IGSF10: variants seen among roughly 807,000 people sequenced by gnomAD.
The protein encoded by IGSF10 is immunoglobulin superfamily member 10.
In IGSF10, 126 loss-of-function variants were observed where a neutral mutation model predicts 128.2. The ratio of observed to expected loss-of-function variants is 0.98; its 90% CI spans 0.85 to 1.14. The LOEUF (loss-of-function observed/expected upper bound fraction) is 1.14. IGSF10 is among the 50% of genes most tolerant of loss of function. The pLI, the probability that IGSF10 is intolerant of heterozygous loss-of-function variation, is 0.00. For missense variants in IGSF10, 3,295 were observed against 3,149.8 expected (o/e 1.05, Z -1.10); for synonymous variants, 1,185 against 1,146.2 (o/e 1.03, Z -0.68).
At position 151,460,323 on chromosome 3, in the gene IGSF10, A is replaced by C; in HGVS notation, c.-64T>G. 15 of 982,070 alleles carry C rather than the reference A, an allele frequency of 1.5e-5. No individual in the cohort carries two copies. Among genetic ancestry groups the C allele is most frequent in the Non-Finnish European group, 1.8e-5 (15 of 826,840 alleles). The allele number at this position is 982,070 out of a possible 1,614,324, so 60.8% of individuals were successfully genotyped here. ...ATAGGCAGAGACAGAAAATCTTCCC[A>C]GGAAATGGAAAATTGTGTCCAAACC... On this transcript the variant is annotated 5_prime_UTR_variant, in exon 2 of 8. Coordinates refer to ENST00000282466, the MANE Select transcript of IGSF10 (RefSeq NM_178822.5).
At chr3:151,451,289 C>A (rs1721500158) in intron 5 of IGSF10, among the ~76,000 whole-genome samples, 1 of 151,992 alleles carries the variant, frequency 6.6e-6, no homozygotes, top group Non-Finnish European at 1.5e-5. Context: ...CCTTCAGAAC[C>A]CAGTCTGAAC....
the IGSF10 span, among the ~76,000 whole-genome samples, chr3:151,510,166 C>T: frequency 6.6e-6 from 1 of 152,224 alleles, no homozygotes; most frequent in African/African-American, 2.4e-5. Context: ...TGAGAATGGA[C>T]AGACTGCCTC....
At chr3:151,457,554 A>G (rs1721852534) in intron 3 of IGSF10, among the ~76,000 whole-genome samples, 1 of 152,172 alleles carries the variant, frequency 6.6e-6, no homozygotes, top group African/African-American at 2.4e-5. Flanking sequence ...GTGGTTAAGA[A>G]GCCTGGGCTC....
the IGSF10 span, among the ~76,000 whole-genome samples, chr3:151,589,130 T>C: frequency 6.6e-6 from 1 of 152,194 alleles, no homozygotes; most frequent in Non-Finnish European, 1.5e-5. Context: ...TTGCTAAATT[T>C]TCTTCAGTAA....
intron 3 of IGSF10, among the ~76,000 whole-genome samples, 189 bp downstream of exon 3, chr3:151,458,327 C>T (rs1721897921): frequency 6.6e-6 from 1 of 152,126 alleles, no homozygotes; most frequent in Non-Finnish European, 1.5e-5. Context: ...GAACTTTCTC[C>T]TAATAAAAGT....
chr3:151,514,822 C>T, the IGSF10 span, among the ~76,000 whole-genome samples: 1 of 152,172 alleles, frequency 6.6e-6, no homozygotes, highest in African/African-American at 2.4e-5. Flanking sequence ...TGAACAGACA[C>T]TTCTCAAAAG....
At chr3:151,593,688 C>G in the IGSF10 span, among the ~76,000 whole-genome samples, 1 of 151,800 alleles carries the variant, frequency 6.6e-6, no homozygotes, top group African/African-American at 2.4e-5. Context: ...AAAAAAATAG[C>G]AAAAGTAGAT....
At chr3:151,453,249 AT>A (rs1721596491) in intron 5 of IGSF10, 134 bp downstream of exon 5, 2 of 729,026 alleles carry the variant, frequency 2.7e-6, no homozygotes, top group Non-Finnish European at 4.3e-6. Context: ...TGTGTAAATA[AT>A]TCATTATTCT....
At chr3:151,508,155 A>C in the IGSF10 span, among the ~76,000 whole-genome samples, 1 of 152,160 alleles carries the variant, frequency 6.6e-6, no homozygotes, top group Non-Finnish European at 1.5e-5. Flanking sequence ...TTGATGAGGA[A>C]GTTATAAAGG....
chr3:151,440,818 G>A, intron 7 of IGSF10: 1 of 344,646 alleles, frequency 2.9e-6, no homozygotes, highest in South Asian at 2.3e-5. Flanking sequence ...GTGCAGCAAA[G>A]AACCACTGTT....
At chr3:151,492,262 C>T in the IGSF10 span, among the ~76,000 whole-genome samples, 2 of 152,148 alleles carry the variant, frequency 1.3e-5, no homozygotes, top group Non-Finnish European at 2.9e-5. Flanking sequence ...TAAAGAGGTG[C>T]TCAACATCAC....
the IGSF10 span, among the ~76,000 whole-genome samples, chr3:151,494,325 T>C: frequency 2.0e-5 from 3 of 151,962 alleles, no homozygotes; most frequent in Non-Finnish European, 2.9e-5. Flanking sequence ...AACTAGAATT[T>C]TCTATTAAGT....
At position 151,440,769 on chromosome 3, in the gene IGSF10, A is replaced by G. The variant is rs573239357; in HGVS notation, c.5964-2172T>C. On this transcript the variant is annotated intron_variant, in intron 7 of 7. Transcript: ENST00000282466. ...AATATGTGTGCAGCATGGCTTGGGCATCAGGATTCTTAGAATTTTCCGGAT... is the reference window on the plus strand; with the variant it reads ...AATATGTGTGCAGCATGGCTTGGGCGTCAGGATTCTTAGAATTTTCCGGAT... 4.3e-5 allele frequency: 16 copies of G among 375,358 alleles called. No homozygotes were observed. In the East Asian group the frequency reaches 1.2e-3, roughly 27 times the overall value. The allele number at this position is 375,358 out of a possible 1,614,324, so 23.3% of individuals were successfully genotyped here. A position where few individuals can be genotyped will look rare whatever the true frequency, so the allele number is the denominator to read the frequency against.
the IGSF10 span, among the ~76,000 whole-genome samples, chr3:151,527,570 TC>T: frequency 8.5e-5 from 13 of 152,130 alleles, no homozygotes; most frequent in Admixed American, 8.5e-4. Flanking sequence ...GATATTTAAG[TC>T]CCAGTATTAA....
chr3:151,519,539 C>T, the IGSF10 span, among the ~76,000 whole-genome samples: 1 of 151,454 alleles, frequency 6.6e-6, no homozygotes, highest in African/African-American at 2.4e-5. Context: ...TTCAACTTAC[C>T]CTAAATTTAA....
At chr3:151,491,397 T>C in the IGSF10 span, among the ~76,000 whole-genome samples, 1 of 152,036 alleles carries the variant, frequency 6.6e-6, no homozygotes, top group African/African-American at 2.4e-5. Context: ...GCCAACATGA[T>C]GAGACCCCGT....
the IGSF10 span, among the ~76,000 whole-genome samples, chr3:151,511,735 G>C: frequency 6.6e-6 from 1 of 152,078 alleles, no homozygotes; most frequent in African/African-American, 2.4e-5. Context: ...CACGTGCAGA[G>C]ACACACATGC....
chr3:151,520,824 GCCAACATAATAA>G, the IGSF10 span, among the ~76,000 whole-genome samples: 1 of 151,556 alleles, frequency 6.6e-6, no homozygotes, highest in Admixed American at 6.6e-5. Context: ...ACATTAACAA[GCCAACATAATAA>G]CCTGCTAATA....
At chr3:151,577,233 G>A in the IGSF10 span, among the ~76,000 whole-genome samples, 1 of 152,006 alleles carries the variant, frequency 6.6e-6, no homozygotes. Flanking sequence ...TTTGAGCATA[G>A]TCTTATAATC....
Sources: allele counts gnomAD v4.1 joint callset (sites outside exome capture counted in the v4.1 genomes callset), GRCh38; gene constraint gnomAD v4.1.1; transcripts MANE v1.5; gene names NCBI Gene and HGNC (gene_info 2026-07-23, HGNC 2026-07-21).